Variants in SCLY observed in about 807,000 individuals in gnomAD.
The protein encoded by SCLY is putative selenocysteine lyase.
In SCLY, 38 loss-of-function variants were observed where a neutral mutation model predicts 50.1. That is an observed-to-expected ratio of 0.76 (90% CI 0.59 to 0.99). SCLY has a LOEUF of 0.99. SCLY is among the 50% of genes least tolerant of loss of function. SCLY has a pLI of 0.00. For synonymous variants in SCLY, 243 were observed against 249.4 expected, an observed-to-expected ratio of 0.97 and a Z score of 0.24; for missense variants, 600 against 620.0, an observed-to-expected ratio of 0.97 and a Z score of 0.34.
At chr2:238,072,667 AT>A (rs1361884122) in intron 4 of SCLY, among the ~76,000 whole-genome samples, 11 of 152,188 alleles carry the variant, frequency 7.2e-5, no homozygotes, top group Non-Finnish European at 1.5e-4. Flanking sequence ...CTCCTTGGCC[AT>A]TTGTATATAT....
chr2:238,095,298 A>G (rs1209080530), intron 10 of SCLY, among the ~76,000 whole-genome samples: 1 of 152,052 alleles, frequency 6.6e-6, no homozygotes, highest in Non-Finnish European at 1.5e-5. Flanking sequence ...AGTTAGGATC[A>G]CCCCCGTCCC....
chr2:238,083,158 T>G lies in SCLY; in HGVS notation c.778-90T>G. On this transcript the variant is annotated intron_variant, in intron 6 of 11. Coordinates refer to ENST00000254663, the MANE Select transcript of SCLY (RefSeq NM_016510.7). The surrounding 1 kb of genome is among the most constrained non-coding windows in gnomAD (Gnocchi z 4.3). ...AGCAGGACTATGCATTGCAGAGCAT[T>G]TCTCCTGTGTGCCCCTAAGCACTTA... 1 of 923,848 alleles carries G rather than the reference T, an allele frequency of 1.1e-6. No homozygotes were observed. The highest frequency in any genetic ancestry group is 1.8e-6 in the Non-Finnish European group (1 of 553,066). The allele number at this position is 923,848 out of a possible 1,614,324, so 57.2% of individuals were successfully genotyped here.
Position 238,083,447 on chromosome 2 carries a change from C to A in SCLY, c.884+93C>A. The A allele has an allele frequency of 1.1e-6, 1 of 918,266 alleles. No individual in the cohort carries two copies. The highest frequency in any genetic ancestry group is 1.4e-5 in the South Asian group (1 of 73,478). The allele number at this position is 918,266 out of a possible 1,614,324, so 56.9% of individuals were successfully genotyped here. Reference sequence around the variant, plus strand: ...AAGAAACATGGCGCTGTTTCTTGGTCTCGTGGAGGCTCTGTAGCATGTCCA... The same window carrying A: ...AAGAAACATGGCGCTGTTTCTTGGTATCGTGGAGGCTCTGTAGCATGTCCA... On this transcript the variant is annotated intron_variant, in intron 7 of 11. Transcript: ENST00000254663. This position sits in a 1 kb window ranked among gnomAD's most constrained non-coding sequence, Gnocchi z 4.3.
intron 10 of SCLY, 49 bp from the exon 11 acceptor site, chr2:238,096,752 G>A: frequency 6.4e-7 from 1 of 1,569,356 alleles, no homozygotes; most frequent in Non-Finnish European, 8.6e-7. Context: ...GGACAGAAGG[G>A]CAACCTGGCT....
chr2:238,086,547 AT>A (rs1461177315), intron 7 of SCLY, among the ~76,000 whole-genome samples: 1 of 150,978 alleles, frequency 6.6e-6, no homozygotes, highest in African/African-American at 2.4e-5. Context: ...TCTCTAAAAA[AT>A]TTTTTTTAAT....
intron 4 of SCLY, chr2:238,078,692 T>C (rs935729374): frequency 6.6e-6 from 1 of 151,208 alleles, no homozygotes; most frequent in African/African-American, 2.4e-5. Flanking sequence ...GTTACAAATA[T>C]CTTTTTTTTT....
At chr2:238,064,297 C>G (rs1309037436) in intron 1 of SCLY, 60 bp from the exon 2 acceptor site, 1 of 1,075,890 alleles carries the variant, frequency 9.3e-7, no homozygotes, top group Non-Finnish European at 1.4e-6. Context: ...ACAGAGCAGC[C>G]ATATTTCCCA....
intron 7 of SCLY, among the ~76,000 whole-genome samples, chr2:238,084,284 A>G (rs2065266628): frequency 6.6e-6 from 1 of 152,190 alleles, no homozygotes; most frequent in Non-Finnish European, 1.5e-5. Context: ...GGGTGTCAAC[A>G]TCAGCCAAGT....
chr2:238,099,231 G>A lies in SCLY; in HGVS notation c.*876G>A. On this transcript the variant is annotated 3_prime_UTR_variant, in exon 12 of 12. Transcript: ENST00000254663. ...CTTTTACCTTAATTTTATTTGCAGA[G>A]GATTCTTTTCTCAAAATGCTCTGGC... is the stretch of plus-strand genomic sequence containing the variant. 1 of 471,426 alleles carries A rather than the reference G, an allele frequency of 2.1e-6. No homozygotes were observed. Among genetic ancestry groups the A allele is most frequent in the South Asian group, 1.6e-5 (1 of 64,402 alleles). The allele number at this position is 471,426 out of a possible 1,614,324, so 29.2% of individuals were successfully genotyped here.
At chr2:238,071,086 C>G (rs896033230) in intron 4 of SCLY, among the ~76,000 whole-genome samples, 2 of 152,080 alleles carry the variant, frequency 1.3e-5, no homozygotes, top group South Asian at 2.1e-4. Context: ...CCTGCCTTGG[C>G]CTCCCAAAGT....
intron 4 of SCLY, among the ~76,000 whole-genome samples, chr2:238,075,123 G>C (rs966554741): frequency 6.6e-6 from 1 of 152,090 alleles, no homozygotes; most frequent in African/African-American, 2.4e-5. Context: ...ATCATGAAAG[G>C]GGTGTTGGAT....
Position 238,082,214 on chromosome 2 carries a change from G to A in SCLY, c.777+5G>A. On this transcript the variant is annotated splice_donor_5th_base_variant and intron_variant, in intron 6 of 11. Coordinates refer to ENST00000254663, the MANE Select transcript of SCLY (RefSeq NM_016510.7). ...CTTACAATCGTGGGGCACAAGGTAAGTCTGCAGAGGCTTCCTGCCTCTGTG... is the reference window on the plus strand; with the variant it reads ...CTTACAATCGTGGGGCACAAGGTAAATCTGCAGAGGCTTCCTGCCTCTGTG... 5 of 1,592,672 alleles carry A rather than the reference G, an allele frequency of 3.1e-6. No homozygotes were observed. The highest frequency in any genetic ancestry group is 4.3e-6 in the Non-Finnish European group (5 of 1,168,040).
rs57089270 is a variant in SCLY at position 238,098,605 on chromosome 2, A to AGGACCGCCCACATG, written c.*292_*305dup. On this transcript the variant is annotated 3_prime_UTR_variant, in exon 12 of 12. Transcript: ENST00000254663. ...ACCGCCCACATAGGACCGCCCACAT[A>AGGACCGCCCACATG]GGACCGCCCACATGGGACCGCCCAC... 635 of 311,294 alleles carry AGGACCGCCCACATG rather than the reference A, an allele frequency of 2.0e-3. 32 individuals are homozygous for AGGACCGCCCACATG. Among genetic ancestry groups the AGGACCGCCCACATG allele is most frequent in the East Asian group, 4.9e-3 (105 of 21,590 alleles). 19.3% of individuals were successfully genotyped at this position (311,294 alleles called of 1,614,324 possible). A position where few individuals can be genotyped will look rare whatever the true frequency, so the allele number is the denominator to read the frequency against.
At chr2:238,091,406 T>C in intron 8 of SCLY, 152 bp downstream of exon 8, 1 of 735,884 alleles carries the variant, frequency 1.4e-6, no homozygotes. Context: ...TTTATCAACC[T>C]GGAGAGCTGT....
rs1430620146 is a variant in SCLY, at chr2:238,069,772, A to T, written c.484+295A>T. On this transcript the variant is annotated intron_variant, in intron 4 of 11. Coordinates refer to ENST00000254663, the MANE Select transcript of SCLY (RefSeq NM_016510.7). This position sits in a 1 kb window ranked among gnomAD's most constrained non-coding sequence, Gnocchi z 5.0. ...AAGTTCATTGAGAATGAATATGTAG[A>T]ACTAGCCATTTGTATAACTGAGTGA... The T allele has an allele frequency of 3.1e-6, 1 of 321,382 alleles. No homozygotes were observed. The highest frequency in any genetic ancestry group is 5.7e-6 in the Non-Finnish European group (1 of 176,878). 19.9% of individuals were successfully genotyped at this position (321,382 alleles called of 1,614,324 possible).
chr2:238,078,348 A>G (rs2065194655), intron 4 of SCLY, among the ~76,000 whole-genome samples: 1 of 151,958 alleles, frequency 6.6e-6, no homozygotes, highest in Non-Finnish European at 1.5e-5. Context: ...TTGGAGTACC[A>G]CCTATTTTCA....
chr2:238,084,893 C>CAAAAAA (rs377025100), intron 7 of SCLY, among the ~76,000 whole-genome samples: 4,643 of 106,744 alleles, frequency 0.043, 230 homozygotes, highest in African/African-American at 0.082. Context: ...GACTCCATCT[C>CAAAAAA]AAAAAAAAAA....
Position 238,083,455 on chromosome 2 carries a change from G to A in SCLY, c.884+101G>A. Reference sequence around the variant, plus strand: ...TGGCGCTGTTTCTTGGTCTCGTGGAGGCTCTGTAGCATGTCCACACTGCTG... The same window carrying A: ...TGGCGCTGTTTCTTGGTCTCGTGGAAGCTCTGTAGCATGTCCACACTGCTG... On this transcript the variant is annotated intron_variant, in intron 7 of 11. Coordinates refer to ENST00000254663, the MANE Select transcript of SCLY (RefSeq NM_016510.7). The surrounding 1 kb of genome is among the most constrained non-coding windows in gnomAD (Gnocchi z 4.3). 1 of 879,296 alleles carries A rather than the reference G, an allele frequency of 1.1e-6. No homozygotes were observed. The highest frequency in any genetic ancestry group is 1.9e-6 in the Non-Finnish European group (1 of 527,290). The allele number at this position is 879,296 out of a possible 1,614,324, so 54.5% of individuals were successfully genotyped here. A position where few individuals can be genotyped will look rare whatever the true frequency, so the allele number is the denominator to read the frequency against.
At position 238,069,359 on chromosome 2, in the gene SCLY, A is replaced by T; in HGVS notation, c.366A>T (p.Gly122=). ...KHFHANQTSK[G]HTGGHHSPVK... is the part of the protein sequence containing the mutation. The stretch of plus-strand genomic sequence containing the variant: ...TCCACGCAAACCAGACCTCAAAGGG[A>T]CACACAGGTGGGCACCACAGCCCAG... The change falls in exon 4 of 12, where the codon GGA becomes GGT. Residue 122 remains glycine (G), a synonymous_variant. Transcript: ENST00000254663. This position sits in a 1 kb window ranked among gnomAD's most constrained non-coding sequence, Gnocchi z 5.0. 6.2e-7 allele frequency: 1 copy of T among 1,614,198 alleles called. No homozygotes were observed. The highest frequency in any genetic ancestry group is 1.1e-5 in the South Asian group (1 of 91,072).
Sources: allele counts gnomAD v4.1 joint callset (sites outside exome capture counted in the v4.1 genomes callset), GRCh38; gene constraint gnomAD v4.1.1; non-coding constraint Gnocchi (gnomAD v3.1); transcripts MANE v1.5; gene names NCBI Gene and HGNC (gene_info 2026-07-23, HGNC 2026-07-21).